Variants in DCLRE1C observed in about 807,000 individuals in gnomAD.
The protein encoded by DCLRE1C is protein artemis.
In DCLRE1C, 47 loss-of-function variants were observed where a neutral mutation model predicts 61.4. The ratio of observed to expected loss-of-function variants is 0.77; its 90% confidence interval spans 0.61 to 0.98. The LOEUF is 0.98. Among genes scored for constraint, DCLRE1C ranks in the 50% least tolerant of loss-of-function variants. The pLI is 0.00. For synonymous variants in DCLRE1C, 337 were observed against 287.6 expected (o/e 1.17, Z -1.74); for missense variants, 858 against 816.0 (o/e 1.05, Z -0.63).
intron 4 of DCLRE1C, among the ~76,000 whole-genome samples, chr10:14,938,179 A>G (rs952325900): frequency 6.6e-6 from 1 of 152,142 alleles, no homozygotes; most frequent in African/African-American, 2.4e-5. Flanking sequence ...AAACATAAAA[A>G]ATCAAAGTGG....
At chr10:14,904,321 T>A (rs1279609135), downstream of DCLRE1C, 5 of 144,824 alleles carry the variant, frequency 3.5e-5, no homozygotes, top group African/African-American at 7.7e-5. Flanking sequence ...AAAAATTTTT[T>A]TTTTTTTTTT....
chr10:14,947,658 G>T (rs1841896150), intron 2 of DCLRE1C: 1 of 152,214 alleles, frequency 6.6e-6, no homozygotes, highest in East Asian at 1.9e-4. Context: ...TTATCAAGAA[G>T]CTCTAATGAC....
At chr10:14,910,058 A>G (rs1438093267) in intron 13 of DCLRE1C, among the ~76,000 whole-genome samples, 3 of 152,212 alleles carry the variant, frequency 2.0e-5, no homozygotes, top group African/African-American at 7.2e-5. Flanking sequence ...GTGTATGGCA[A>G]CTTCTTGTTC....
intron 2 of DCLRE1C, among the ~76,000 whole-genome samples, chr10:14,948,613 C>T (rs1317561572): frequency 2.0e-5 from 3 of 152,072 alleles, no homozygotes; most frequent in Non-Finnish European, 4.4e-5. Flanking sequence ...CAGTGGCTCA[C>T]ATCTATAATG....
intron 5 of DCLRE1C, 32 bp from the exon 6 acceptor site, chr10:14,935,596 A>G: frequency 6.2e-7 from 1 of 1,600,482 alleles, no homozygotes; most frequent in Non-Finnish European, 8.6e-7. Context: ...GTGACTTCTG[A>G]GTCTCATATA....
intron 11 of DCLRE1C, chr10:14,923,295 T>G: frequency 3.9e-6 from 2 of 513,012 alleles, no homozygotes; most frequent in South Asian, 4.1e-5. Context: ...GGCCTAGAAA[T>G]CAGTACATTT....
chr10:14,907,854 T>C lies in DCLRE1C; in HGVS notation c.*554A>G, dbSNP rs993485350. The C allele has an allele frequency of 1.0e-4, 14 of 133,676 alleles. No individual in the cohort carries two copies. The highest frequency in any genetic ancestry group is 4.0e-4 in the African/African-American group (14 of 35,366). The allele number at this position is 133,676 out of a possible 1,614,324, so 8.3% of individuals were successfully genotyped here. On this transcript the variant is annotated 3_prime_UTR_variant, in exon 14 of 14. Coordinates refer to ENST00000378278, the MANE Select transcript of DCLRE1C (RefSeq NM_001033855.3). ...TATGGGTTTAGTTCTACCATTTTTT[T>C]TTCTTTTTTTTTTTTTTTTTTTTTG...
chr10:14,954,013 C>A lies in DCLRE1C; in HGVS notation c.-3G>T. ...ATCTGCCCCTCGAAAGAACTCATAG[C>A]GCCGCCGATCCCAGAGTCCGGGACC... is the stretch of plus-strand genomic sequence containing the variant. On this transcript the variant is annotated 5_prime_UTR_variant, in exon 1 of 14. Transcript: ENST00000378278. The A allele has an allele frequency of 6.2e-7, 1 of 1,613,956 alleles. No homozygotes were observed. Among genetic ancestry groups the A allele is most frequent in the Non-Finnish European group, 8.5e-7 (1 of 1,179,910 alleles).
chr10:14,920,012 T>G (rs1322084526), intron 12 of DCLRE1C, among the ~76,000 whole-genome samples, 180 bp from the exon 13 acceptor site: 2 of 152,220 alleles, frequency 1.3e-5, no homozygotes, highest in Non-Finnish European at 2.9e-5. Context: ...AAAGCAGTTC[T>G]AAACTGATTT....
At chr10:14,944,086 C>T (rs368477703) in intron 3 of DCLRE1C, among the ~76,000 whole-genome samples, 5 of 152,160 alleles carry the variant, frequency 3.3e-5, no homozygotes, top group African/African-American at 9.7e-5. Flanking sequence ...TTCCTTATGA[C>T]AGCCTGTAAT....
At chr10:14,934,115 G>A in intron 8 of DCLRE1C, among the ~76,000 whole-genome samples, 1 of 152,038 alleles carries the variant, frequency 6.6e-6, no homozygotes, top group South Asian at 2.1e-4. Context: ...ATAGCTTGAG[G>A]TCAGGAGTTC....
At chr10:14,923,489 C>T (rs1837468771) in intron 11 of DCLRE1C, 1 of 221,646 alleles carries the variant, frequency 4.5e-6, no homozygotes, top group Non-Finnish European at 9.1e-6. Context: ...CTATAATATA[C>T]ACAAAAACCC....
rs780156393 is a variant in DCLRE1C, at chr10:14,926,848, T to C, written c.967A>G (p.Ser323Gly). Reference protein sequence around the residue: ...RACFSFHSSYSEIKDFLSYLC... With the variant: ...RACFSFHSSYGEIKDFLSYLC... ...AGTATATGGGATCCTCTTACCTCACTGTAGGAGGAGTGAAAAGAAAAACAA... is the reference window on the plus strand; with the variant it reads ...AGTATATGGGATCCTCTTACCTCACCGTAGGAGGAGTGAAAAGAAAAACAA... The change falls in exon 11 of 14, where the codon AGT becomes GGT. Residue 323 changes from serine to glycine, a missense_variant. By Grantham distance (56) the Ser-to-Gly change is moderately conservative. This residue lies in a region of DCLRE1C where 843 missense variants were observed against 783.5 expected (regional missense o/e 1.08). Transcript: ENST00000378278. The C allele has an allele frequency of 6.2e-7, 1 of 1,612,286 alleles. No individual in the cohort carries two copies. Among genetic ancestry groups the C allele is most frequent in the African/African-American group, 1.3e-5 (1 of 74,996 alleles).
At position 14,937,619 on chromosome 10, in the gene DCLRE1C, G is replaced by A. The variant is rs184293415; in HGVS notation, c.307-1026C>T. Among the ~76,000 whole-genome samples, 194 of 152,140 alleles carry A rather than the reference G, an allele frequency of 1.3e-3. 1 individual carries two copies. Among genetic ancestry groups the A allele is most frequent in the African/African-American group, 4.4e-3 (183 of 41,524 alleles). ...AATTTTTAAAGCCTGAGCCAGGTGC[G>A]GTGGCTCATGCCTGTAATTCTAGCA... On this transcript the variant is annotated intron_variant, in intron 4 of 13. Transcript: ENST00000378278.
At chr10:14,930,766 C>G (rs1276573750) in intron 9 of DCLRE1C, among the ~76,000 whole-genome samples, 1 of 152,058 alleles carries the variant, frequency 6.6e-6, no homozygotes, top group African/African-American at 2.4e-5. Flanking sequence ...TTTATCCATC[C>G]AAGAATCCAC....
intron 4 of DCLRE1C, among the ~76,000 whole-genome samples, chr10:14,937,023 C>G (rs943379925): frequency 6.6e-6 from 1 of 152,122 alleles, no homozygotes; most frequent in Non-Finnish European, 1.5e-5. Context: ...TTGAAAACAT[C>G]CTCAGTGAAA....
chr10:14,899,155 C>G (rs1833813613), exon 14 of DCLRE1C: 1 of 696,090 alleles, frequency 1.4e-6, no homozygotes. Flanking sequence ...CCCCACATCT[C>G]TATAAAAACT....
In DCLRE1C at chr10:14,907,804, T is replaced by TA. The variant is rs1834549286; in HGVS notation, c.*603dup. On this transcript the variant is annotated 3_prime_UTR_variant, in exon 14 of 14. Coordinates refer to ENST00000378278, the MANE Select transcript of DCLRE1C (RefSeq NM_001033855.3). ...TTGTCATTGATGCACTTAGACCATT[T>TA]ACATTTAATGTAATCATTGATACGT... The TA allele has an allele frequency of 6.6e-6, 1 of 152,254 alleles. No individual in the cohort carries two copies. The highest frequency in any genetic ancestry group is 1.5e-5 in the Non-Finnish European group (1 of 68,172). The allele number at this position is 152,254 out of a possible 1,614,324, so 9.4% of individuals were successfully genotyped here.
chr10:14,920,342 A>G (rs1836890305), intron 12 of DCLRE1C: 1 of 1,017,052 alleles, frequency 9.8e-7, no homozygotes, highest in Admixed American at 5.0e-5. Context: ...GAGATAAAAT[A>G]CAAAAAGGCA....
Sources: gnomAD v4.1 joint callset for allele counts (sites outside exome capture counted in the v4.1 genomes callset) on GRCh38, gnomAD v4.1.1 for gene constraint, gnomAD v4.1.1 regional missense constraint, MANE v1.5 for transcripts, NCBI Gene and HGNC (gene_info 2026-07-23, HGNC 2026-07-21) for gene names.